The following AUTS2 variants were observed in gnomAD, a reference collection of about 807,000 sequenced individuals.
AUTS2 encodes activator of transcription and developmental regulator AUTS2.
A neutral mutation model predicts 112.4 loss-of-function variants in AUTS2; 17 were observed. That is an observed-to-expected ratio of 0.15 (90% CI 0.10 to 0.23). The LOEUF is 0.23. Among genes scored for constraint, AUTS2 ranks in the 10% least tolerant of loss-of-function variants. AUTS2 has a pLI of 1.00. For missense variants in AUTS2, 1,510 were observed against 1,701.6 expected (o/e 0.89, Z 1.98); for synonymous variants, 751 against 702.7 (o/e 1.07, Z -1.09).
At chr7:70,781,379 AAAAAAC>A in intron 14 of AUTS2, 1 of 358,926 alleles carries the variant, frequency 2.8e-6, no homozygotes, top group Non-Finnish European at 4.9e-6. Flanking sequence ...AAAAAAAAAA[AAAAAAC>A]CAGACCAAAC....
At chr7:69,688,734 A>G (rs1797169747) in intron 1 of AUTS2, among the ~76,000 whole-genome samples, 1 of 152,150 alleles carries the variant, frequency 6.6e-6, no homozygotes, top group African/African-American at 2.4e-5. Context: ...ACTTACTCCT[A>G]TTTAGCTGTA....
rs558884512 is a variant in AUTS2, at chr7:70,290,674, C to T, written c.661-145078C>T. ...ATTTGTTTCTCTTTTCTCCATTCCT[C>T]ATCCCAATTCAGGTATCAGATCCTT... is the stretch of plus-strand genomic sequence containing the variant. On this transcript the variant is annotated intron_variant, in intron 4 of 18. Transcript: ENST00000342771. 50 of 1,341,458 alleles carry T rather than the reference C, an allele frequency of 3.7e-5. No individual in the cohort carries two copies. The African/African-American group carries it at 7.1e-4, about 19-fold the overall frequency. The allele number at this position is 1,341,458 out of a possible 1,614,324, so 83.1% of individuals were successfully genotyped here.
chr7:69,979,947 G>A (rs188360570), intron 2 of AUTS2, among the ~76,000 whole-genome samples: 16 of 152,252 alleles, frequency 1.1e-4, no homozygotes, highest in Middle Eastern at 3.4e-3. Flanking sequence ...ATGTTTTTGT[G>A]TGAGTAAGTA....
chr7:69,867,776 C>T (rs1262474170), intron 1 of AUTS2, among the ~76,000 whole-genome samples: 1 of 152,104 alleles, frequency 6.6e-6, no homozygotes, highest in African/African-American at 2.4e-5. Flanking sequence ...TGTCACCCTC[C>T]CTCTCTCCCC....
At chr7:69,963,933 A>G (rs1797530016) in intron 2 of AUTS2, among the ~76,000 whole-genome samples, 1 of 152,120 alleles carries the variant, frequency 6.6e-6, no homozygotes, top group Admixed American at 6.6e-5. Context: ...AAGATGCTTT[A>G]AAAAGAACAA....
chr7:69,750,588 TG>T (rs1197784430), intron 1 of AUTS2, among the ~76,000 whole-genome samples: 1 of 151,798 alleles, frequency 6.6e-6, no homozygotes, highest in Admixed American at 6.6e-5. Context: ...CTCAAACTCT[TG>T]GGCTTAAGTG....
chr7:69,953,811 T>C (rs1290238165), intron 2 of AUTS2, among the ~76,000 whole-genome samples: 5 of 152,196 alleles, frequency 3.3e-5, no homozygotes, highest in African/African-American at 7.2e-5. Context: ...CTGAAGGTAA[T>C]ATTAGTACCC....
At chr7:70,245,068 C>T (rs1812826454) in intron 4 of AUTS2, among the ~76,000 whole-genome samples, 1 of 140,008 alleles carries the variant, frequency 7.1e-6, no homozygotes, top group African/African-American at 2.7e-5. Flanking sequence ...TGCAGTGAGC[C>T]AAGGTTGCAC....
chr7:70,324,241 T>C (rs1396173246), intron 4 of AUTS2, among the ~76,000 whole-genome samples: 3 of 152,218 alleles, frequency 2.0e-5, no homozygotes, highest in Non-Finnish European at 2.9e-5. Flanking sequence ...AACAGTTGTG[T>C]TGGCTCTCAG....
chr7:70,023,336 C>T (rs891353384), intron 2 of AUTS2, among the ~76,000 whole-genome samples: 22 of 152,166 alleles, frequency 1.4e-4, no homozygotes, highest in African/African-American at 5.3e-4. Flanking sequence ...TTAAACATTA[C>T]AAACTGCCGT....
intron 1 of AUTS2, among the ~76,000 whole-genome samples, chr7:69,770,542 C>T (rs1382732453): frequency 6.6e-6 from 1 of 152,042 alleles, no homozygotes; most frequent in Non-Finnish European, 1.5e-5. Context: ...TGGGCATGAG[C>T]TACATGGCAT....
intron 2 of AUTS2, among the ~76,000 whole-genome samples, chr7:69,962,068 C>T (rs1797452794): frequency 6.6e-6 from 1 of 152,080 alleles, no homozygotes; most frequent in African/African-American, 2.4e-5. Flanking sequence ...GAATATTATC[C>T]AGGAGTGGAC....
chr7:70,089,551 T>A (rs1803797875), intron 2 of AUTS2, among the ~76,000 whole-genome samples: 2 of 152,180 alleles, frequency 1.3e-5, no homozygotes, highest in Non-Finnish European at 2.9e-5. Context: ...TATAATTCTT[T>A]TTATTGTGTC....
chr7:70,741,969 C>T (rs1788141565), intron 6 of AUTS2, among the ~76,000 whole-genome samples: 1 of 152,168 alleles, frequency 6.6e-6, no homozygotes, highest in Admixed American at 6.5e-5. Context: ...GAATGCGGCT[C>T]AGTTTTCTCC....
chr7:69,726,381 A>T (rs571207943), intron 1 of AUTS2, among the ~76,000 whole-genome samples: 2 of 152,148 alleles, frequency 1.3e-5, no homozygotes, highest in East Asian at 3.9e-4. Flanking sequence ...GTTTTTTTTA[A>T]TTGCTGAATA....
At chr7:70,255,946 C>T (rs944571218) in intron 4 of AUTS2, among the ~76,000 whole-genome samples, 3 of 152,174 alleles carry the variant, frequency 2.0e-5, no homozygotes, top group South Asian at 4.1e-4. Context: ...TGTTTAACAA[C>T]GTTATTGCTG....
intron 5 of AUTS2, among the ~76,000 whole-genome samples, chr7:70,447,241 A>G (rs192043604): frequency 6.6e-6 from 1 of 152,328 alleles, no homozygotes; most frequent in East Asian, 1.9e-4. Context: ...ACATTATCTT[A>G]TACAGTCCTC....
chr7:70,583,123 T>C (rs1258576790), intron 5 of AUTS2, among the ~76,000 whole-genome samples: 1 of 152,212 alleles, frequency 6.6e-6, no homozygotes, highest in Admixed American at 6.5e-5. Flanking sequence ...GTCTTCCTGC[T>C]GCCCGTGGAT....
chr7:70,532,176 CT>C (rs1178767567), intron 5 of AUTS2, among the ~76,000 whole-genome samples: 1 of 152,180 alleles, frequency 6.6e-6, no homozygotes, highest in Non-Finnish European at 1.5e-5. Flanking sequence ...TGAATATGCA[CT>C]TTGCAAGCTT....
Sources: gnomAD v4.1 joint callset for allele counts (sites outside exome capture counted in the v4.1 genomes callset) on GRCh38, gnomAD v4.1.1 for gene constraint, MANE v1.5 for transcripts, NCBI Gene and HGNC (gene_info 2026-07-23, HGNC 2026-07-21) for gene names.